The following CAMTA1 variants were observed in gnomAD, a reference collection of about 807,000 sequenced individuals.
CAMTA1 encodes the protein calmodulin binding transcription activator 1, also known as calmodulin-binding transcription activator 1.
CAMTA1 carries 27 observed loss-of-function variants against 170.9 expected under a neutral mutation model. The ratio of observed to expected loss-of-function variants is 0.16; its 90% CI spans 0.12 to 0.22. The LOEUF is 0.22. Ranked by LOEUF, CAMTA1 falls within the 10% of genes least tolerant of loss-of-function variation. The pLI is 1.00. For synonymous variants in CAMTA1, 833 were observed against 891.5 expected, an observed-to-expected ratio of 0.93 and a Z score of 1.17; for missense variants, 1,619 against 2,217.2, an observed-to-expected ratio of 0.73 and a Z score of 5.42.
chr1:7,554,445 C>T (rs1437170242), intron 6 of CAMTA1, among the ~76,000 whole-genome samples: 1 of 152,150 alleles, frequency 6.6e-6, no homozygotes, highest in African/African-American at 2.4e-5. Context: ...CCTTCCCCTC[C>T]CGTGCCCAGG....
At chr1:7,637,339 C>T (rs981044384) in intron 6 of CAMTA1, among the ~76,000 whole-genome samples, 1 of 152,230 alleles carries the variant, frequency 6.6e-6, no homozygotes, top group African/African-American at 2.4e-5. Flanking sequence ...TCAGAGGCAG[C>T]CCTGGGCGGC....
rs59283865 is a variant in CAMTA1 at position 7,446,181 on chromosome 1, GA to G, written c.439-21635del. ...TTGAGTATAATTAAAACTCTGCTGT[GA>G]AAAAAAAAAAAAAGCCTAGCAAACA... is the stretch of plus-strand genomic sequence containing the variant. On this transcript the variant is annotated intron_variant, in intron 5 of 22. Coordinates refer to ENST00000303635, the MANE Select transcript of CAMTA1 (RefSeq NM_015215.4). 6.9e-3 allele frequency among the ~76,000 whole-genome samples: 885 copies of G among 128,082 alleles called. 3 individuals carry two copies. Among genetic ancestry groups the G allele is most frequent in the African/African-American group, 7.7e-3 (284 of 36,928 alleles). The allele number at this position is 128,082 out of a possible 152,430, so 84.0% of individuals were successfully genotyped here.
At chr1:6,816,549 C>G (rs1212617448) in intron 1 of CAMTA1, among the ~76,000 whole-genome samples, 1 of 152,182 alleles carries the variant, frequency 6.6e-6, no homozygotes, top group Non-Finnish European at 1.5e-5. Flanking sequence ...GGTGAGGGGT[C>G]TGAGTTGAAG....
chr1:6,973,413 A>G (rs1378434877), intron 3 of CAMTA1, among the ~76,000 whole-genome samples: 2 of 152,264 alleles, frequency 1.3e-5, no homozygotes, highest in East Asian at 1.9e-4. Context: ...CACATAGCAT[A>G]GTGTCCTCTG....
intron 4 of CAMTA1, among the ~76,000 whole-genome samples, chr1:7,104,938 T>C (rs766901719): frequency 6.6e-6 from 1 of 152,188 alleles, no homozygotes; most frequent in Non-Finnish European, 1.5e-5. Context: ...AAAAAATCTC[T>C]CCCTTCACTT....
intron 5 of CAMTA1, among the ~76,000 whole-genome samples, chr1:7,303,813 G>T (rs939333671): frequency 3.3e-5 from 5 of 152,234 alleles, no homozygotes; most frequent in Non-Finnish European, 5.9e-5. Flanking sequence ...GAGGTGACTG[G>T]AGAGGAAAGA....
intron 5 of CAMTA1, among the ~76,000 whole-genome samples, chr1:7,438,837 A>C (rs2092430201): frequency 6.6e-6 from 1 of 152,160 alleles, no homozygotes; most frequent in Non-Finnish European, 1.5e-5. Flanking sequence ...ACAGGAAGAA[A>C]AGTCCTGGCC....
In CAMTA1 at chr1:6,995,295, C is replaced by CTTTTTTTTTTTTTTT. The variant is rs765139922; in HGVS notation, c.235-95999_235-95985dup. Among the ~76,000 whole-genome samples the CTTTTTTTTTTTTTTT allele has an allele frequency of 6.6e-3, 403 of 60,618 alleles. 20 individuals are homozygous for CTTTTTTTTTTTTTTT. Among genetic ancestry groups the CTTTTTTTTTTTTTTT allele is most frequent in the African/African-American group, 7.9e-3 (115 of 14,612 alleles). 39.8% of individuals were successfully genotyped at this position (60,618 alleles called of 152,430 possible). ...TCCTTTAAAATCTTTTTTTTCTTTT[C>CTTTTTTTTTTTTTTT]TTTTTTTTTTTTTTTTTTTTTTTTG... On this transcript the variant is annotated intron_variant, in intron 3 of 22. Coordinates refer to ENST00000303635, the MANE Select transcript of CAMTA1 (RefSeq NM_015215.4).
At chr1:7,614,224 TG>T (rs2095543795) in intron 6 of CAMTA1, among the ~76,000 whole-genome samples, 3 of 151,924 alleles carry the variant, frequency 2.0e-5, no homozygotes, top group African/African-American at 7.3e-5. Context: ...ATGGATGAGT[TG>T]GGGTCAAAGG....
intron 3 of CAMTA1, among the ~76,000 whole-genome samples, chr1:7,075,787 C>T (rs1033322542): frequency 2.6e-5 from 4 of 152,046 alleles, no homozygotes; most frequent in Non-Finnish European, 5.9e-5. Flanking sequence ...CTCAGCCTTC[C>T]GAGTAGTTGG....
At chr1:7,289,826 T>C (rs908546240) in intron 5 of CAMTA1, among the ~76,000 whole-genome samples, 2 of 152,118 alleles carry the variant, frequency 1.3e-5, no homozygotes, top group Non-Finnish European at 1.5e-5. Flanking sequence ...GACACAAGAC[T>C]GGAAGCTGGA....
chr1:7,626,917 A>G (rs2095637566), intron 6 of CAMTA1, among the ~76,000 whole-genome samples: 1 of 152,192 alleles, frequency 6.6e-6, no homozygotes, highest in Non-Finnish European at 1.5e-5. Context: ...ATTAAAATAC[A>G]TAAAGCATCC....
At chr1:7,370,467 T>C (rs845221) in intron 5 of CAMTA1, among the ~76,000 whole-genome samples, 139,213 of 152,224 alleles carry the variant, frequency 0.91, 63,733 homozygotes, top group East Asian at 1. Flanking sequence ...TTAAAATCGA[T>C]GTAAGAAACG....
intron 5 of CAMTA1, among the ~76,000 whole-genome samples, chr1:7,440,439 G>T: frequency 6.6e-6 from 1 of 152,270 alleles, no homozygotes; most frequent in East Asian, 1.9e-4. Flanking sequence ...TTGCCTGGGA[G>T]TTCCACGGCA....
intron 4 of CAMTA1, among the ~76,000 whole-genome samples, chr1:7,126,801 C>T (rs762955535): frequency 3.3e-5 from 5 of 152,076 alleles, no homozygotes; most frequent in African/African-American, 4.8e-5. Context: ...GAAGGAGTCT[C>T]GCTCTGTCAC....
chr1:7,349,394 C>T (rs2149871993), intron 5 of CAMTA1, among the ~76,000 whole-genome samples: 1 of 152,334 alleles, frequency 6.6e-6, no homozygotes, highest in South Asian at 2.1e-4. Flanking sequence ...GAAACTCACT[C>T]CCTGCACATC....
chr1:7,655,167 C>A (rs1399765229), intron 7 of CAMTA1, among the ~76,000 whole-genome samples: 14 of 144,750 alleles, frequency 9.7e-5, no homozygotes, highest in South Asian at 2.3e-4. Context: ...CCTATACACA[C>A]CCACACACAC....
chr1:6,990,234 T>C (rs1181397058), intron 3 of CAMTA1, among the ~76,000 whole-genome samples: 1 of 152,258 alleles, frequency 6.6e-6, no homozygotes, highest in Non-Finnish European at 1.5e-5. Flanking sequence ...TGTTTTCTGT[T>C]AAATGCAAAC....
intron 5 of CAMTA1, among the ~76,000 whole-genome samples, chr1:7,415,307 G>A (rs1245095681): frequency 4.0e-5 from 6 of 150,960 alleles, no homozygotes; most frequent in African/African-American, 1.5e-4. Context: ...CAATTCCTGG[G>A]TATCCTTGTT....
Sources: allele counts gnomAD v4.1 joint callset (sites outside exome capture counted in the v4.1 genomes callset), GRCh38; gene constraint gnomAD v4.1.1; transcripts MANE v1.5; gene names NCBI Gene and HGNC (gene_info 2026-07-23, HGNC 2026-07-21).